The following CDH1 variants were observed in gnomAD, a reference collection of about 807,000 sequenced individuals.
CDH1 encodes cadherin-1.
CDH1 carries 35 observed loss-of-function variants against 84.5 expected under a neutral mutation model. That is an observed-to-expected ratio of 0.41 (90% CI 0.32 to 0.55). CDH1 has a LOEUF of 0.55. CDH1 is among the 20% of genes least tolerant of loss of function. The probability of loss-of-function intolerance (pLI) is 0.19; values close to 1 mark genes in which losing one functional copy is unlikely to be tolerated. For missense variants in CDH1, 994 were observed against 1,126.6 expected (o/e 0.88, Z 1.68); for synonymous variants, 417 against 439.0 (o/e 0.95, Z 0.63).
intron 2 of CDH1, among the ~76,000 whole-genome samples, chr16:68,757,733 C>CTTTCTTTCTCTCTCTCTT (rs537175391): frequency 2.6e-5 from 4 of 151,738 alleles, no homozygotes; most frequent in Admixed American, 1.3e-4. Flanking sequence ...CTTTCTCTTT[C>CTTTCTTTCTCTCTCTCTT]TTTCTTTCTC....
intron 2 of CDH1, among the ~76,000 whole-genome samples, chr16:68,794,331 T>C (rs575510738): frequency 6.6e-6 from 1 of 152,100 alleles, no homozygotes; most frequent in Non-Finnish European, 1.5e-5. Flanking sequence ...TGAGCCACCA[T>C]ACCTGGCCGT....
intron 13 of CDH1, 88 bp downstream of exon 13, chr16:68,823,714 A>G (rs1567513550): frequency 1.1e-6 from 1 of 873,372 alleles, no homozygotes; most frequent in African/African-American, 1.7e-5. Flanking sequence ...TCTTATATTA[A>G]TAAGGATATA....
At chr16:68,820,385 C>G (rs1460698853) in intron 11 of CDH1, among the ~76,000 whole-genome samples, 1 of 145,272 alleles carries the variant, frequency 6.9e-6, no homozygotes, top group African/African-American at 2.6e-5. Flanking sequence ...GAGTCTTGCT[C>G]TGTCACCCAG....
rs780502649 is a variant in CDH1, at chr16:68,819,473, T to A, written c.1711+48T>A. 12 of 1,583,292 alleles carry A rather than the reference T, an allele frequency of 7.6e-6. No individual in the cohort carries two copies. The highest frequency in any genetic ancestry group is 1.0e-5 in the Non-Finnish European group (12 of 1,153,954). On this transcript the variant is annotated intron_variant, in intron 11 of 15. Coordinates refer to ENST00000261769, the MANE Select transcript of CDH1 (RefSeq NM_004360.5). ...TTTGCTGCCTCGACCTCCTAGCTAG[T>A]TCAGTTCCTTGCCCCTCCCTTCTTT...
chr16:68,810,822 C>T (rs576381739), intron 6 of CDH1, among the ~76,000 whole-genome samples: 4 of 151,068 alleles, frequency 2.6e-5, no homozygotes, highest in African/African-American at 4.9e-5. Flanking sequence ...GCTGAGATCA[C>T]GCCACTGCAC....
intron 2 of CDH1, among the ~76,000 whole-genome samples, chr16:68,761,631 AT>A (rs1450722509): frequency 6.6e-6 from 1 of 152,190 alleles, no homozygotes; most frequent in Admixed American, 6.6e-5. Flanking sequence ...TGTAGGAAAG[AT>A]GAATCGGAAT....
intron 2 of CDH1, among the ~76,000 whole-genome samples, chr16:68,791,219 G>A (rs200694843): frequency 1.3e-5 from 2 of 152,040 alleles, no homozygotes; most frequent in African/African-American, 2.4e-5. Flanking sequence ...CTGTTCCCCC[G>A]CACTGCCGCC....
At chr16:68,749,112 C>T (rs1045788089) in intron 2 of CDH1, among the ~76,000 whole-genome samples, 6 of 152,208 alleles carry the variant, frequency 3.9e-5, no homozygotes, top group African/African-American at 1.4e-4. Context: ...GCTGGGATTA[C>T]AGGCATGAGC....
At chr16:68,831,222 G>A (rs907241213) in intron 15 of CDH1, among the ~76,000 whole-genome samples, 5 of 150,292 alleles carry the variant, frequency 3.3e-5, no homozygotes, top group Admixed American at 2.0e-4. Context: ...GTGCCTACAG[G>A]CACCTGCCAT....
At chr16:68,823,132 C>G in intron 12 of CDH1, 2 of 459,234 alleles carry the variant, frequency 4.4e-6, no homozygotes, top group Non-Finnish European at 7.9e-6. Flanking sequence ...CTGAAGAGCC[C>G]CGCTCTGCCT....
intron 2 of CDH1, among the ~76,000 whole-genome samples, chr16:68,783,046 T>C (rs1286480525): frequency 1.3e-5 from 2 of 152,094 alleles, no homozygotes; most frequent in Admixed American, 6.6e-5. Context: ...ATGTTGCCTA[T>C]TGAGATTACG....
At position 68,796,553 on chromosome 16, in the gene CDH1, T is replaced by G. The variant is rs965359205; in HGVS notation, c.164-5117T>G. On this transcript the variant is annotated intron_variant, in intron 2 of 15. Coordinates refer to ENST00000261769, the MANE Select transcript of CDH1 (RefSeq NM_004360.5). ...ATTTCAAGCAAGGAATGTTGCTGAA[T>G]GCTCAGAGCCTGCCCCAGGACCAAA... Among the ~76,000 whole-genome samples, 4 of 152,192 alleles carry G rather than the reference T, an allele frequency of 2.6e-5. No individual in the cohort carries two copies. The East Asian group carries it at 7.7e-4, about 29-fold the overall frequency.
chr16:68,789,868 C>T (rs868490921), intron 2 of CDH1, among the ~76,000 whole-genome samples: 5 of 151,958 alleles, frequency 3.3e-5, no homozygotes, highest in Admixed American at 2.0e-4. Context: ...GAGACCTGCC[C>T]GACCAACATG....
chr16:68,742,243 A>G (rs190668198), intron 2 of CDH1, among the ~76,000 whole-genome samples: 1 of 151,606 alleles, frequency 6.6e-6, no homozygotes, highest in African/African-American at 2.4e-5. Context: ...CCTAGTTCAC[A>G]GGCACCCAAA....
rs58497601 is a variant in CDH1 at position 68,775,125 on chromosome 16, C to CAA, written c.164-26530_164-26529dup. On this transcript the variant is annotated intron_variant, in intron 2 of 15. Transcript: ENST00000261769. The stretch of plus-strand genomic sequence containing the variant: ...TGGGTGATAGGGCAAGGCCCTGTCT[C>CAA]AAAAAAAAAAAAAAAAGAAAAAAGA... Among the ~76,000 whole-genome samples the CAA allele has an allele frequency of 1.3e-3, 137 of 108,138 alleles. No homozygotes were observed. In the Middle Eastern group the frequency reaches 0.018, roughly 14 times the overall value. The allele number at this position is 108,138 out of a possible 152,430, so 70.9% of individuals were successfully genotyped here.
chr16:68,807,398 G>A (rs903249418), intron 3 of CDH1, among the ~76,000 whole-genome samples: 7 of 152,192 alleles, frequency 4.6e-5, no homozygotes, highest in Non-Finnish European at 7.3e-5. Flanking sequence ...GGCTGGGTGC[G>A]GTGACTCACA....
At chr16:68,771,928 G>T (rs1278468304) in intron 2 of CDH1, among the ~76,000 whole-genome samples, 3 of 152,056 alleles carry the variant, frequency 2.0e-5, no homozygotes, top group Non-Finnish European at 4.4e-5. Context: ...GCTTTACGTG[G>T]ATTAACTTGT....
At chr16:68,801,275 C>T (rs897571516) in intron 2 of CDH1, among the ~76,000 whole-genome samples, 8 of 152,018 alleles carry the variant, frequency 5.3e-5, no homozygotes, top group South Asian at 2.1e-4. Context: ...CTAAACCTGG[C>T]TAATTTTTTT....
At chr16:68,753,951 C>T (rs909515288) in intron 2 of CDH1, among the ~76,000 whole-genome samples, 1 of 151,190 alleles carries the variant, frequency 6.6e-6, no homozygotes, top group African/African-American at 2.4e-5. Context: ...CCCATCTCTA[C>T]TAAAAATACA....
Sources: allele counts gnomAD v4.1 joint callset (sites outside exome capture counted in the v4.1 genomes callset), GRCh38; gene constraint gnomAD v4.1.1; transcripts MANE v1.5; gene names NCBI Gene and HGNC (gene_info 2026-07-23, HGNC 2026-07-21).